The following JHY variants were observed in gnomAD, a reference collection of about 807,000 sequenced individuals.
JHY encodes jhy protein homolog.
JHY carries 69 observed loss-of-function variants against 78.0 expected under a neutral mutation model. The ratio of observed to expected loss-of-function variants is 0.88; its 90% CI spans 0.73 to 1.08. JHY has a LOEUF of 1.08. Among genes scored for constraint, JHY ranks in the 50% least tolerant of loss-of-function variants. JHY has a pLI of 0.00. For missense variants in JHY, 944 were observed against 927.8 expected, an observed-to-expected ratio of 1.02 and a Z score of -0.23; for synonymous variants, 368 against 342.6, an observed-to-expected ratio of 1.07 and a Z score of -0.82.
rs1295406778 is a variant in JHY, at chr11:122,935,490, C to G, written c.1634+415C>G. Among the ~76,000 whole-genome samples, 1 of 152,176 alleles carries G rather than the reference C, an allele frequency of 6.6e-6. No individual in the cohort carries two copies. The highest frequency in any genetic ancestry group is 1.5e-5 in the Non-Finnish European group (1 of 68,040). On this transcript the variant is annotated intron_variant, in intron 5 of 8. Transcript: ENST00000227349. The surrounding 1 kb of genome is among the most constrained non-coding windows in gnomAD (Gnocchi z 4.5). ...CCTCAAGTAATCCACCCGCCTTGGCCTCCCAAAGTGCTGAGATTACAGGTG... is the reference window on the plus strand; with the variant it reads ...CCTCAAGTAATCCACCCGCCTTGGCGTCCCAAAGTGCTGAGATTACAGGTG...
chr11:122,900,726 T>A (rs1379174418), intron 2 of JHY, among the ~76,000 whole-genome samples: 6 of 152,090 alleles, frequency 3.9e-5, no homozygotes, highest in Admixed American at 2.6e-4. Flanking sequence ...TTCGTGTGCA[T>A]AGCTGACAGC....
chr11:122,934,783 G>A lies in JHY; in HGVS notation c.1342G>A (p.Ala448Thr). 2 of 1,614,118 alleles carry A rather than the reference G, an allele frequency of 1.2e-6. No homozygotes were observed. Among genetic ancestry groups the A allele is most frequent in the East Asian group, 2.2e-5 (1 of 44,882 alleles). ...CAATACATTTGCTCCACCAAAACAG[G>A]CTTTTGACAAGGTCTTATCTAAAAA... ...TSNTFAPPKQ[A>T]FDKVLSKNST... is the part of the protein sequence containing the mutation. Residue 448 changes from alanine to threonine, a missense_variant, in exon 5 of 9, where the codon GCT (alanine) becomes ACT (threonine). Physicochemically the swap from Ala to Thr is moderately conservative, Grantham distance 58. Coordinates refer to ENST00000227349, the MANE Select transcript of JHY (RefSeq NM_024806.4).
intron 4 of JHY, among the ~76,000 whole-genome samples, chr11:122,930,322 C>G (rs924436779): frequency 1.3e-5 from 2 of 152,064 alleles, no homozygotes; most frequent in African/African-American, 4.8e-5. Context: ...TCAAGTGATC[C>G]ACCCGCCTCT....
chr11:122,919,872 T>C (rs1412622701), intron 3 of JHY, among the ~76,000 whole-genome samples: 1 of 152,198 alleles, frequency 6.6e-6, no homozygotes, highest in Non-Finnish European at 1.5e-5. Flanking sequence ...TCACTGAACA[T>C]GTATGTGCAT....
intron 3 of JHY, chr11:122,905,518 T>C: frequency 8.8e-7 from 1 of 1,132,422 alleles, no homozygotes; most frequent in Non-Finnish European, 1.1e-6. Flanking sequence ...TGGAACAAAA[T>C]AGATGAGGTG....
chr11:122,918,598 A>G (rs1863284797), intron 3 of JHY, among the ~76,000 whole-genome samples: 1 of 151,506 alleles, frequency 6.6e-6, no homozygotes, highest in Non-Finnish European at 1.5e-5. Flanking sequence ...GGAATGGAAG[A>G]TGAAGTTCTA....
chr11:122,929,333 C>T (rs1863588804), intron 4 of JHY, among the ~76,000 whole-genome samples: 1 of 151,532 alleles, frequency 6.6e-6, no homozygotes, highest in Admixed American at 6.6e-5. Flanking sequence ...GTAATATGGA[C>T]CTGGGTACAA....
At position 122,963,158 on chromosome 11, in the gene JHY, C is replaced by CT. The variant is rs199735540; in HGVS notation, c.*3723dup. ...CAATAAAAGAGACACTATTTATTTT[C>CT]TTTTTTTTTTCCAGAACATTTCAAA... On this transcript the variant is annotated 3_prime_UTR_variant, in exon 9 of 9. Transcript: ENST00000227349. Among the ~76,000 whole-genome samples the CT allele has an allele frequency of 6.8e-4, 102 of 149,402 alleles. No homozygotes were observed. Among genetic ancestry groups the CT allele is most frequent in the Middle Eastern group, 3.4e-3 (1 of 294 alleles).
intron 2 of JHY, among the ~76,000 whole-genome samples, chr11:122,901,640 G>A (rs897285561): frequency 3.3e-5 from 5 of 151,964 alleles, no homozygotes; most frequent in Non-Finnish European, 7.4e-5. Flanking sequence ...TTTGGAGGCT[G>A]AGGCAGGCAG....
At chr11:122,931,769 G>A (rs575379013) in intron 4 of JHY, among the ~76,000 whole-genome samples, 33 of 152,198 alleles carry the variant, frequency 2.2e-4, no homozygotes, top group East Asian at 5.8e-4. Context: ...GCATTGTCCC[G>A]TCTGCTGATG....
In JHY at chr11:122,946,753, G is replaced by A; in HGVS notation, c.1890G>A (p.Leu630=). 6.2e-7 allele frequency: 1 copy of A among 1,610,818 alleles called. No individual in the cohort carries two copies. Among genetic ancestry groups the A allele is most frequent in the Non-Finnish European group, 8.5e-7 (1 of 1,179,170 alleles). ...RSNSEGYLFQ[L]EKGKKHKKRS... ...ATTCTGAAGGCTATCTGTTTCAACT[G>A]GAAAAGGGAAAAAAGCATAAGAAAA... is the stretch of plus-strand genomic sequence containing the variant. The change falls in exon 6 of 9, where the codon CTG becomes CTA. Residue 630 remains leucine, a synonymous_variant. Coordinates refer to ENST00000227349, the MANE Select transcript of JHY (RefSeq NM_024806.4).
chr11:122,897,003 C>A (rs930125337), intron 2 of JHY, among the ~76,000 whole-genome samples: 1 of 151,926 alleles, frequency 6.6e-6, no homozygotes, highest in Admixed American at 6.6e-5. Context: ...ATTACAGGCA[C>A]GTGCCGCCAT....
At chr11:122,913,776 T>C (rs1000546792) in intron 3 of JHY, among the ~76,000 whole-genome samples, 2 of 152,228 alleles carry the variant, frequency 1.3e-5, no homozygotes, top group African/African-American at 4.8e-5. Flanking sequence ...GTCTGCATCA[T>C]GTAAAGATGA....
intron 2 of JHY, among the ~76,000 whole-genome samples, chr11:122,897,460 G>A (rs1281006366): frequency 6.6e-6 from 1 of 152,034 alleles, no homozygotes; most frequent in East Asian, 1.9e-4. Context: ...TCAAACTCTT[G>A]GCCTCAAGTG....
Position 122,917,145 on chromosome 11 carries a change from AG to A in JHY, c.865-7750del, listed in dbSNP as rs1045444311. The stretch of plus-strand genomic sequence containing the variant: ...AACAACAGGTACAATAGGAATAAAC[AG>A]GTTTGGGAACAAATGGAAAAGACTC... On this transcript the variant is annotated intron_variant, in intron 3 of 8. Transcript: ENST00000227349. The surrounding 1 kb of genome is among the most constrained non-coding windows in gnomAD (Gnocchi z 4.1). Among the ~76,000 whole-genome samples, 4 of 152,198 alleles carry A rather than the reference AG, an allele frequency of 2.6e-5. No individual in the cohort carries two copies. The highest frequency in any genetic ancestry group is 9.6e-5 in the African/African-American group (4 of 41,458).
At chr11:122,884,262 T>G (rs58302291) in intron 1 of JHY, among the ~76,000 whole-genome samples, 20,227 of 152,112 alleles carry the variant, frequency 0.13, 1,573 homozygotes, top group African/African-American at 0.2. Context: ...CCTCCAAGGA[T>G]TTGATGATGC....
At chr11:122,906,855 G>C (rs980509803) in intron 3 of JHY, among the ~76,000 whole-genome samples, 4 of 152,000 alleles carry the variant, frequency 2.6e-5, no homozygotes, top group Non-Finnish European at 5.9e-5. Context: ...TCTCTGAAGG[G>C]GCCATTGACT....
In JHY at chr11:122,896,878, A is replaced by G. The variant is rs559936824; in HGVS notation, c.345-7047A>G. The stretch of plus-strand genomic sequence containing the variant: ...TTTGTTTGTTTGTTTGTTTTTTGAG[A>G]CAGAGTCTCACTCTATTGCCCAGGC... On this transcript the variant is annotated intron_variant, in intron 2 of 8. Transcript: ENST00000227349. Among the ~76,000 whole-genome samples the G allele has an allele frequency of 3.5e-4, 53 of 152,198 alleles. No individual in the cohort carries two copies. The South Asian group carries it at 3.9e-3, about 11-fold the overall frequency.
At chr11:122,915,981 A>G (rs1863225391) in intron 3 of JHY, among the ~76,000 whole-genome samples, 1 of 152,036 alleles carries the variant, frequency 6.6e-6, no homozygotes, top group African/African-American at 2.4e-5. Flanking sequence ...ATTAAATCAA[A>G]GATTTCATGG....
Sources: allele counts gnomAD v4.1 joint callset (sites outside exome capture counted in the v4.1 genomes callset), GRCh38; gene constraint gnomAD v4.1.1; non-coding constraint Gnocchi (gnomAD v3.1); transcripts MANE v1.5; gene names NCBI Gene and HGNC (gene_info 2026-07-23, HGNC 2026-07-21).